The following SLC4A4 variants were observed in gnomAD, a reference collection of about 807,000 sequenced individuals.
The protein encoded by SLC4A4 is electrogenic sodium bicarbonate cotransporter 1.
A neutral mutation model predicts 111.5 loss-of-function variants in SLC4A4; 27 were observed. That is an observed-to-expected ratio of 0.24 (90% CI 0.18 to 0.33). SLC4A4 has a LOEUF of 0.33. Among genes scored for constraint, SLC4A4 ranks in the 10% least tolerant of loss-of-function variants. The probability of loss-of-function intolerance (pLI) is 1.00; values close to 1 mark genes in which losing one functional copy is unlikely to be tolerated. For missense variants in SLC4A4, 909 were observed against 1,315.5 expected (o/e 0.69, Z 4.78); for synonymous variants, 443 against 463.4 (o/e 0.96, Z 0.57).
chr4:71,514,070 A>G (rs1236655861), intron 16 of SLC4A4, among the ~76,000 whole-genome samples: 1 of 152,182 alleles, frequency 6.6e-6, no homozygotes, highest in Non-Finnish European at 1.5e-5. Flanking sequence ...ATCTGTGCTT[A>G]TCAGAAGTAT....
chr4:71,244,953 T>C (rs1007272109), intron 2 of SLC4A4, among the ~76,000 whole-genome samples: 6 of 152,130 alleles, frequency 3.9e-5, no homozygotes, highest in African/African-American at 1.4e-4. Flanking sequence ...TTAGTTGACA[T>C]GGTAATTTTA....
chr4:71,290,573 A>G (rs572793581), intron 3 of SLC4A4, among the ~76,000 whole-genome samples: 1 of 152,326 alleles, frequency 6.6e-6, no homozygotes, highest in South Asian at 2.1e-4. Flanking sequence ...GATTTTCTAG[A>G]TACTCTGCAT....
chr4:71,497,789 G>A, intron 16 of SLC4A4, 97 bp downstream of exon 16: 1 of 986,356 alleles, frequency 1.0e-6, no homozygotes. Flanking sequence ...AATTCAATGT[G>A]TCCAATATAA....
chr4:71,441,196 A>G (rs1200441483), intron 8 of SLC4A4, among the ~76,000 whole-genome samples: 5 of 152,176 alleles, frequency 3.3e-5, no homozygotes, highest in Admixed American at 3.3e-4. Context: ...ATACACACAT[A>G]TATATATTAA....
At chr4:71,108,323 G>T (rs570171558) in intron 2 of SLC4A4, among the ~76,000 whole-genome samples, 1 of 152,088 alleles carries the variant, frequency 6.6e-6, no homozygotes, top group Non-Finnish European at 1.5e-5. Context: ...GACCATTCTT[G>T]CAGGGCAATT....
chr4:71,109,422 G>A (rs995639613), intron 2 of SLC4A4, among the ~76,000 whole-genome samples: 2 of 146,476 alleles, frequency 1.4e-5, no homozygotes, highest in Non-Finnish European at 3.0e-5. Flanking sequence ...ACAATGGAGG[G>A]AGGTAAACAA....
intron 18 of SLC4A4, among the ~76,000 whole-genome samples, chr4:71,535,972 G>A (rs975922464): frequency 6.6e-6 from 1 of 152,040 alleles, no homozygotes. Flanking sequence ...GAAAGAAAAG[G>A]TTGCAAATTC....
At chr4:71,542,255 A>G (rs1256147152) in intron 18 of SLC4A4, among the ~76,000 whole-genome samples, 2 of 152,232 alleles carry the variant, frequency 1.3e-5, no homozygotes, top group East Asian at 1.9e-4. Flanking sequence ...CTTGTTCTCC[A>G]TAAACTCTCC....
upstream of SLC4A4, among the ~76,000 whole-genome samples, chr4:71,183,507 C>A (rs2148989136): frequency 6.6e-6 from 1 of 152,210 alleles, no homozygotes; most frequent in African/African-American, 2.4e-5. Context: ...CAAGAATTTG[C>A]CAGACTGAAT....
At chr4:71,292,717 A>C (rs927171872) in intron 3 of SLC4A4, among the ~76,000 whole-genome samples, 4 of 152,176 alleles carry the variant, frequency 2.6e-5, no homozygotes, top group African/African-American at 7.2e-5. Context: ...GAATTGAAAT[A>C]ATAAATAGGC....
chr4:71,340,512 A>C (rs968541638), intron 4 of SLC4A4, among the ~76,000 whole-genome samples: 1 of 152,218 alleles, frequency 6.6e-6, no homozygotes, highest in Non-Finnish European at 1.5e-5. Flanking sequence ...CATAGTATAC[A>C]TAGGGTTTAG....
At chr4:71,390,256 T>C (rs1397940856) in intron 6 of SLC4A4, among the ~76,000 whole-genome samples, 3 of 152,200 alleles carry the variant, frequency 2.0e-5, no homozygotes, top group East Asian at 1.9e-4. Flanking sequence ...AAGTGATTTG[T>C]TCTCTTTGTC....
chr4:71,126,614 T>C (rs1743569649), intron 2 of SLC4A4, among the ~76,000 whole-genome samples: 1 of 152,240 alleles, frequency 6.6e-6, no homozygotes, highest in South Asian at 2.1e-4. Context: ...TAATAAGTTC[T>C]ATTTTATGTG....
At position 71,547,294 on chromosome 4, in the gene SLC4A4, A is replaced by G. The variant is rs116260052; in HGVS notation, c.2622-354A>G. ...CTCCTATGAAAGAAGGTGTAAGGGTAATTACACAAGAGGATAAATTGCTTT... is the reference window on the plus strand; with the variant it reads ...CTCCTATGAAAGAAGGTGTAAGGGTGATTACACAAGAGGATAAATTGCTTT... On this transcript the variant is annotated intron_variant, in intron 19 of 25. Transcript: ENST00000264485. 3.2e-3 allele frequency among the ~76,000 whole-genome samples: 483 copies of G among 152,104 alleles called. 2 individuals carry two copies. The highest frequency in any genetic ancestry group is 0.011 in the African/African-American group (472 of 41,542).
At chr4:71,193,401 C>T (rs1375032826) in intron 1 of SLC4A4, among the ~76,000 whole-genome samples, 15 of 152,160 alleles carry the variant, frequency 9.9e-5, no homozygotes, top group Non-Finnish European at 1.5e-4. Context: ...CCTCGTGATC[C>T]GCCCGCCTTG....
chr4:71,419,884 T>C (rs534391736), intron 7 of SLC4A4, among the ~76,000 whole-genome samples: 25 of 151,888 alleles, frequency 1.6e-4, no homozygotes, highest in South Asian at 1.2e-3. Context: ...ACCACAAAGA[T>C]GGGGGAAAAA....
At chr4:71,144,584 G>A (rs1194846841) in intron 2 of SLC4A4, among the ~76,000 whole-genome samples, 3 of 151,600 alleles carry the variant, frequency 2.0e-5, no homozygotes, top group Admixed American at 6.6e-5. Context: ...CATGAGCATG[G>A]AATGTTCTTC....
intron 7 of SLC4A4, among the ~76,000 whole-genome samples, chr4:71,427,917 T>C (rs1157695086): frequency 6.6e-6 from 1 of 152,182 alleles, no homozygotes; most frequent in Non-Finnish European, 1.5e-5. Flanking sequence ...ACCAGCCACA[T>C]AGATGAAGAT....
chr4:71,497,102 G>A (rs559763670), intron 15 of SLC4A4, among the ~76,000 whole-genome samples: 1 of 152,214 alleles, frequency 6.6e-6, no homozygotes, highest in Non-Finnish European at 1.5e-5. Context: ...GTAAGAAGCT[G>A]TGCCTTACAA....
Sources: allele counts gnomAD v4.1 joint callset (sites outside exome capture counted in the v4.1 genomes callset), GRCh38; gene constraint gnomAD v4.1.1; transcripts MANE v1.5; gene names NCBI Gene and HGNC (gene_info 2026-07-23, HGNC 2026-07-21).